The following ARMC3 variants were observed in gnomAD, a reference collection of about 807,000 sequenced individuals.
ARMC3 encodes armadillo repeat-containing protein 3.
A neutral mutation model predicts 90.3 loss-of-function variants in ARMC3; 74 were observed. That is an observed-to-expected ratio of 0.82 (90% CI 0.68 to 0.99). The LOEUF (loss-of-function observed/expected upper bound fraction) is 0.99, where lower values mean the gene tolerates loss of function less well. Ranked by LOEUF, ARMC3 falls within the 50% of genes least tolerant of loss-of-function variation. ARMC3 has a pLI of 0.00. For missense variants in ARMC3, 958 were observed against 1,042.8 expected (o/e 0.92, Z 1.12); for synonymous variants, 334 against 361.8 (o/e 0.92, Z 0.87).
chr10:23,022,205 T>G (rs1838538463), intron 16 of ARMC3, among the ~76,000 whole-genome samples: 1 of 152,256 alleles, frequency 6.6e-6, no homozygotes, highest in Non-Finnish European at 1.5e-5. Context: ...AATTTTGAGT[T>G]AATTTTTACA....
At chr10:23,031,832 C>T (rs1012699378) in intron 17 of ARMC3, among the ~76,000 whole-genome samples, 1 of 152,110 alleles carries the variant, frequency 6.6e-6, no homozygotes, top group African/African-American at 2.4e-5. Context: ...TAAAGTACCC[C>T]TGGCTTGGTG....
At chr10:22,981,849 C>A in intron 10 of ARMC3, 149 bp downstream of exon 10, 1 of 677,688 alleles carries the variant, frequency 1.5e-6, no homozygotes, top group Non-Finnish European at 2.4e-6. Context: ...CCTTATGAAA[C>A]AGAATCATCA....
chr10:22,950,551 AG>A (rs1316973288), intron 3 of ARMC3, among the ~76,000 whole-genome samples: 1 of 152,184 alleles, frequency 6.6e-6, no homozygotes, highest in Non-Finnish European at 1.5e-5. Flanking sequence ...ATAGAAAAGA[AG>A]GCTGAATATG....
At chr10:22,963,556 C>T (rs1012380409) in intron 7 of ARMC3, among the ~76,000 whole-genome samples, 3 of 151,874 alleles carry the variant, frequency 2.0e-5, no homozygotes, top group Non-Finnish European at 2.9e-5. Context: ...AAGTTGGAAC[C>T]GGGGCAATAA....
rs868526210 is a variant in ARMC3 at position 23,014,100 on chromosome 10, C to A, written c.2045+5169C>A. On this transcript the variant is annotated intron_variant, in intron 16 of 18. Coordinates refer to ENST00000298032, the MANE Select transcript of ARMC3 (RefSeq NM_173081.5). ...CCTCTTCCTCTGCACATTCTGGCAG[C>A]TCACTCCCCACTTCAAGATAAACCC... 3.6e-5 allele frequency: 56 copies of A among 1,550,228 alleles called. 1 individual carries two copies. In the African/African-American group the frequency reaches 7.3e-4, roughly 20 times the overall value.
intron 8 of ARMC3, among the ~76,000 whole-genome samples, chr10:22,970,031 A>G (rs1280738987): frequency 6.6e-6 from 1 of 152,170 alleles, no homozygotes; most frequent in Non-Finnish European, 1.5e-5. Context: ...AACAATGTAT[A>G]TATTCGTTTA....
intron 16 of ARMC3, among the ~76,000 whole-genome samples, chr10:23,027,869 G>A (rs1041077019): frequency 6.6e-6 from 1 of 151,858 alleles, no homozygotes; most frequent in East Asian, 1.9e-4. Context: ...ATCCAGGCAC[G>A]GTGGCTCAAA....
rs1439736964 is a variant in ARMC3 at position 22,961,946 on chromosome 10, G to A, written c.600G>A (p.Leu200=). The A allele has an allele frequency of 2.5e-6, 4 of 1,612,056 alleles. No individual in the cohort carries two copies. In the South Asian group the frequency reaches 4.4e-5, roughly 18 times the overall value. Residue 200 remains leucine (L), a synonymous_variant, in exon 7 of 19, where the codon TTG becomes TTA. Coordinates refer to ENST00000298032, the MANE Select transcript of ARMC3 (RefSeq NM_173081.5). Reference sequence around the variant, plus strand: ...CAATACCTCCTATCTTAGATCTCTTGAAGTCAGAATATCCAGTGATTCAGT... The same window carrying A: ...CAATACCTCCTATCTTAGATCTCTTAAAGTCAGAATATCCAGTGATTCAGT... ...LNAIPPILDL[L]KSEYPVIQLL... is the part of the protein sequence containing the mutation.
chr10:22,964,533 G>C (rs540758090), intron 7 of ARMC3, among the ~76,000 whole-genome samples: 1 of 150,676 alleles, frequency 6.6e-6, no homozygotes, highest in African/African-American at 2.4e-5. Context: ...TCTGCCTCCT[G>C]GGTTCAAGTG....
intron 7 of ARMC3, among the ~76,000 whole-genome samples, 177 bp from the exon 8 acceptor site, chr10:22,968,129 A>G (rs1252549370): frequency 6.6e-6 from 1 of 152,216 alleles, no homozygotes; most frequent in African/African-American, 2.4e-5. Flanking sequence ...AAGACAGGGC[A>G]CATGGCCAAG....
chr10:22,983,948 G>A (rs886351556), intron 10 of ARMC3, among the ~76,000 whole-genome samples: 9 of 152,166 alleles, frequency 5.9e-5, no homozygotes, highest in African/African-American at 2.2e-4. Flanking sequence ...ATCACTTTTA[G>A]TAGCGGTCCA....
intron 16 of ARMC3, among the ~76,000 whole-genome samples, chr10:23,022,971 C>A (rs969499141): frequency 6.6e-6 from 1 of 152,036 alleles, no homozygotes; most frequent in Non-Finnish European, 1.5e-5. Flanking sequence ...ACAATAAGTA[C>A]CCTGGTACAG....
chr10:23,009,830 T>G (rs1837828568), intron 16 of ARMC3, among the ~76,000 whole-genome samples: 1 of 152,152 alleles, frequency 6.6e-6, no homozygotes, highest in Middle Eastern at 3.2e-3. Context: ...ACATACTTCT[T>G]CTATGAGAAC....
chr10:22,990,924 T>C (rs758959898), intron 10 of ARMC3, among the ~76,000 whole-genome samples: 2 of 151,962 alleles, frequency 1.3e-5, no homozygotes, highest in Non-Finnish European at 2.9e-5. Context: ...CTTCTGACCC[T>C]CCCTCCACCT....
chr10:22,971,445 T>G (rs1282564228), intron 8 of ARMC3, among the ~76,000 whole-genome samples: 2 of 149,524 alleles, frequency 1.3e-5, no homozygotes, highest in East Asian at 1.9e-4. Flanking sequence ...TTTTTAGTTT[T>G]TTTTTTTTTT....
intron 16 of ARMC3, among the ~76,000 whole-genome samples, chr10:23,016,840 C>T (rs1230954806): frequency 6.6e-6 from 1 of 152,230 alleles, no homozygotes; most frequent in African/African-American, 2.4e-5. Flanking sequence ...AGGCAGCACG[C>T]TCTGTGAGAC....
rs753782300 is a variant in ARMC3 at position 22,998,317 on chromosome 10, C to T, written c.1345C>T (p.Arg449Cys). The T allele has an allele frequency of 1.9e-6, 3 of 1,613,234 alleles. No individual in the cohort carries two copies. Among genetic ancestry groups the T allele is most frequent in the Non-Finnish European group, 2.5e-6 (3 of 1,179,544 alleles). The change falls in exon 11 of 19, where the codon CGT (arginine) becomes TGT (cysteine). Residue 449 changes from arginine (R) to cysteine (C), a missense_variant. Physicochemically the swap from Arg to Cys is radical, Grantham distance 180 (BLOSUM62 -3). Coordinates refer to ENST00000298032, the MANE Select transcript of ARMC3 (RefSeq NM_173081.5). Reference sequence around the variant, plus strand: ...CATGCATGCCATCATCAGCCCACTGCGTTCTGCAAACACAGTCGTGCAGAG... The same window carrying T: ...CATGCATGCCATCATCAGCCCACTGTGTTCTGCAAACACAGTCGTGCAGAG... ...DIMHAIISPL[R>C]SANTVVQSKA...
At chr10:23,000,075 C>T (rs914228985) in intron 11 of ARMC3, among the ~76,000 whole-genome samples, 5 of 152,082 alleles carry the variant, frequency 3.3e-5, no homozygotes, top group South Asian at 2.1e-4. Flanking sequence ...GTCTTTCTAA[C>T]GTGTGGCCCT....
intron 8 of ARMC3, among the ~76,000 whole-genome samples, chr10:22,971,483 C>T (rs952489263): frequency 6.7e-6 from 1 of 150,188 alleles, no homozygotes; most frequent in Non-Finnish European, 1.5e-5. Context: ...CTCCATCACC[C>T]AGGCTGGAGT....
Sources: gnomAD v4.1 joint callset for allele counts (sites outside exome capture counted in the v4.1 genomes callset) on GRCh38, gnomAD v4.1.1 for gene constraint, MANE v1.5 for transcripts, NCBI Gene and HGNC (gene_info 2026-07-23, HGNC 2026-07-21) for gene names.